The following DLG2 variants were observed in gnomAD, a reference collection of about 807,000 sequenced individuals.
The protein encoded by DLG2 is discs large MAGUK scaffold protein 2.
A neutral mutation model predicts 132.5 loss-of-function variants in DLG2; 45 were observed. That is an observed-to-expected ratio of 0.34 (90% CI 0.27 to 0.44). DLG2 has a LOEUF of 0.44. DLG2 is among the 20% of genes least tolerant of loss of function. The pLI, the probability that DLG2 is intolerant of heterozygous loss-of-function variation, is 1.00. For synonymous variants in DLG2, 424 were observed against 419.6 expected (o/e 1.01, Z -0.13); for missense variants, 1,045 against 1,196.9 (o/e 0.87, Z 1.87).
At chr11:85,448,135 A>G (rs1395589824) in intron 3 of DLG2, among the ~76,000 whole-genome samples, 2 of 152,200 alleles carry the variant, frequency 1.3e-5, no homozygotes, top group Non-Finnish European at 2.9e-5. Flanking sequence ...AGCGATTTTT[A>G]TACTTGAAAG....
At chr11:85,343,440 A>G (rs940658592) in intron 3 of DLG2, among the ~76,000 whole-genome samples, 5 of 151,982 alleles carry the variant, frequency 3.3e-5, no homozygotes, top group African/African-American at 1.2e-4. Flanking sequence ...TCATTTTTGT[A>G]TTTCCAGATT....
intron 6 of DLG2, among the ~76,000 whole-genome samples, chr11:84,700,492 A>C (rs1380367571): frequency 6.6e-6 from 1 of 151,712 alleles, no homozygotes; most frequent in East Asian, 1.9e-4. Context: ...AAGTATAGCT[A>C]ACCAAAATAT....
chr11:83,847,487 G>C (rs998785737), intron 16 of DLG2, among the ~76,000 whole-genome samples: 1 of 152,092 alleles, frequency 6.6e-6, no homozygotes, highest in Non-Finnish European at 1.5e-5. Flanking sequence ...AAATAATTGG[G>C]TTCAAGTATT....
At chr11:85,410,989 T>C (rs921725574) in intron 3 of DLG2, among the ~76,000 whole-genome samples, 6 of 151,814 alleles carry the variant, frequency 4.0e-5, no homozygotes, top group African/African-American at 1.2e-4. Flanking sequence ...ACTATTCCTA[T>C]AGTTAGTGAA....
At chr11:83,483,331 G>C (rs1290681825) in intron 22 of DLG2, 1 of 1,578,866 alleles carries the variant, frequency 6.3e-7, no homozygotes. Context: ...AGCAATGAGA[G>C]AGGAAGAACA....
chr11:83,934,519 T>TAATA (rs142779656), intron 14 of DLG2, among the ~76,000 whole-genome samples: 3,114 of 152,292 alleles, frequency 0.02, 98 homozygotes, highest in African/African-American at 0.07. Flanking sequence ...GTATCAGAGA[T>TAATA]AATGTTTAAG....
chr11:84,146,787 T>A (rs1482469638), intron 9 of DLG2, among the ~76,000 whole-genome samples: 1 of 152,154 alleles, frequency 6.6e-6, no homozygotes, highest in Middle Eastern at 3.2e-3. Flanking sequence ...GGAAGGCTCA[T>A]GTAGACATAG....
chr11:83,684,605 G>A (rs1343009956), intron 18 of DLG2: 4 of 152,132 alleles, frequency 2.6e-5, no homozygotes, highest in Non-Finnish European at 5.9e-5. Context: ...AAACTGGTAA[G>A]AAAAGTCAGA....
intron 6 of DLG2, among the ~76,000 whole-genome samples, chr11:84,542,778 GAAAACA>G (rs1238150488): frequency 4.6e-5 from 7 of 151,994 alleles, no homozygotes; most frequent in Non-Finnish European, 5.9e-5. Flanking sequence ...TGAACCACGT[GAAAACA>G]AAAAATTTCC....
At chr11:84,219,802 C>T (rs536401378) in intron 8 of DLG2, among the ~76,000 whole-genome samples, 6 of 152,280 alleles carry the variant, frequency 3.9e-5, no homozygotes, top group South Asian at 2.1e-4. Flanking sequence ...AGCCAGCTTA[C>T]GGTTGGGCTT....
chr11:84,929,647 T>C (rs750706994), intron 6 of DLG2, among the ~76,000 whole-genome samples: 45 of 152,128 alleles, frequency 3.0e-4, no homozygotes, highest in Admixed American at 9.2e-4. Flanking sequence ...TCTTCCCTTA[T>C]ATCAGAACGG....
chr11:85,439,533 G>A (rs892637317), intron 3 of DLG2, among the ~76,000 whole-genome samples: 2 of 151,798 alleles, frequency 1.3e-5, no homozygotes, highest in Non-Finnish European at 2.9e-5. Context: ...CTAATTTTTT[G>A]TATTTTTAGT....
Position 84,502,242 on chromosome 11 carries a change from CCTTCCTTCCTTCCTTCCTTCCTTCCT to C in DLG2, c.519+32302_519+32327del, listed in dbSNP as rs1232778638. 4.0e-4 allele frequency among the ~76,000 whole-genome samples: 14 copies of C among 35,290 alleles called. 5 individuals are homozygous for C. In the African/African-American group the frequency reaches 7.0e-3, roughly 18 times the overall value. The allele number at this position is 35,290 out of a possible 152,430, so 23.2% of individuals were successfully genotyped here. A position where few individuals can be genotyped will look rare whatever the true frequency, so the allele number is the denominator to read the frequency against. On this transcript the variant is annotated intron_variant, in intron 7 of 27. Coordinates refer to ENST00000376104, the MANE Select transcript of DLG2 (RefSeq NM_001142699.3). ...TCCTTCCTTCCTTCCTTCCTTCCTT[CCTTCCTTCCTTCCTTCCTTCCTTCCT>C]TCCTTCCTTCCTTCTTTCTTTCTTT...
At chr11:85,201,631 AG>A (rs1197352042) in intron 4 of DLG2, among the ~76,000 whole-genome samples, 6 of 152,240 alleles carry the variant, frequency 3.9e-5, no homozygotes, top group Non-Finnish European at 8.8e-5. Flanking sequence ...AAAGAAGTAC[AG>A]GCACAAAAAA....
At chr11:85,486,157 G>C (rs2093424061) in intron 3 of DLG2, among the ~76,000 whole-genome samples, 1 of 151,110 alleles carries the variant, frequency 6.6e-6, no homozygotes, top group Non-Finnish European at 1.5e-5. Flanking sequence ...GCTGGGCTAG[G>C]GTTGTTGCTG....
In DLG2 at chr11:85,436,035, A is replaced by C. The variant is rs898265137; in HGVS notation, c.41-150670T>G. On this transcript the variant is annotated intron_variant, in intron 3 of 27. Coordinates refer to ENST00000376104, the MANE Select transcript of DLG2 (RefSeq NM_001142699.3). ...CATTTACAACCAACTGATCTTCAACAAACCTAAAAAAAACAAAAAATGAGT... is the reference window on the plus strand; with the variant it reads ...CATTTACAACCAACTGATCTTCAACCAACCTAAAAAAAACAAAAAATGAGT... Among the ~76,000 whole-genome samples the C allele has an allele frequency of 2.6e-5, 4 of 152,200 alleles. No individual in the cohort carries two copies. The South Asian group carries it at 8.3e-4, about 32-fold the overall frequency.
chr11:85,123,606 A>C (rs2074705183), intron 5 of DLG2, among the ~76,000 whole-genome samples: 1 of 152,194 alleles, frequency 6.6e-6, no homozygotes, highest in Admixed American at 6.5e-5. Context: ...TTATGCTTGG[A>C]AGACTCCAGA....
At chr11:83,836,527 G>A (rs914706228) in intron 16 of DLG2, among the ~76,000 whole-genome samples, 3 of 152,082 alleles carry the variant, frequency 2.0e-5, no homozygotes, top group Non-Finnish European at 4.4e-5. Context: ...TCTCCAACTA[G>A]CTGAATAACT....
At chr11:84,219,701 T>C (rs531628005) in intron 8 of DLG2, among the ~76,000 whole-genome samples, 1 of 152,352 alleles carries the variant, frequency 6.6e-6, no homozygotes, top group African/African-American at 2.4e-5. Flanking sequence ...GTTCAAGCAC[T>C]GTCTTCCTCC....
Sources: gnomAD v4.1 joint callset for allele counts (sites outside exome capture counted in the v4.1 genomes callset) on GRCh38, gnomAD v4.1.1 for gene constraint, MANE v1.5 for transcripts, NCBI Gene and HGNC (gene_info 2026-07-23, HGNC 2026-07-21) for gene names.